Variants in CPED1 observed in about 807,000 individuals in gnomAD.
The protein encoded by CPED1 is cadherin-like and PC-esterase domain-containing protein 1.
In CPED1, 114 loss-of-function variants were observed where a neutral mutation model predicts 128.2. That is an observed-to-expected ratio of 0.89 (90% CI 0.76 to 1.04). The LOEUF is 1.04. Ranked by LOEUF, CPED1 falls within the 50% of genes least tolerant of loss-of-function variation. The probability of loss-of-function intolerance (pLI) is 0.00; values close to 1 mark genes in which losing one functional copy is unlikely to be tolerated. For missense variants in CPED1, 1,211 were observed against 1,207.1 expected, an observed-to-expected ratio of 1.00 and a Z score of -0.05; for synonymous variants, 462 against 426.7, an observed-to-expected ratio of 1.08 and a Z score of -1.02.
chr7:121,083,407 T>G (rs1368579710), intron 5 of CPED1, among the ~76,000 whole-genome samples: 2 of 152,118 alleles, frequency 1.3e-5, no homozygotes, highest in East Asian at 3.9e-4. Flanking sequence ...CCTTCTGGTC[T>G]TCTTGGGAGG....
intron 16 of CPED1, among the ~76,000 whole-genome samples, chr7:121,224,593 T>G (rs1797957476): frequency 6.6e-6 from 1 of 152,240 alleles, no homozygotes; most frequent in South Asian, 2.1e-4. Context: ...TATGGAAATC[T>G]AAGTCTCTTT....
At chr7:121,112,259 G>A (rs1214489250) in intron 7 of CPED1, among the ~76,000 whole-genome samples, 1 of 152,102 alleles carries the variant, frequency 6.6e-6, no homozygotes, top group Non-Finnish European at 1.5e-5. Context: ...TATCTTGTTT[G>A]GACAAAGGGC....
chr7:121,020,897 G>A (rs1029854178), intron 3 of CPED1, among the ~76,000 whole-genome samples: 4 of 151,786 alleles, frequency 2.6e-5, no homozygotes, highest in African/African-American at 4.8e-5. Flanking sequence ...TTATGCAATG[G>A]GTCAAAAGCC....
In CPED1 at chr7:121,037,552, T is replaced by C. The variant is rs373175370; in HGVS notation, c.434-9335T>C. 5.9e-5 allele frequency among the ~76,000 whole-genome samples: 9 copies of C among 152,226 alleles called. No homozygotes were observed. The East Asian group carries it at 1.3e-3, about 23-fold the overall frequency. ...TTTTGGTGACTATGGCCTTATAGTA[T>C]AGTTTGAAGTCAGGTAACGTGATGC... is the stretch of plus-strand genomic sequence containing the variant. On this transcript the variant is annotated intron_variant, in intron 3 of 22. Transcript: ENST00000310396.
At chr7:121,278,365 T>C (rs1246470041) in intron 22 of CPED1, among the ~76,000 whole-genome samples, 1 of 152,042 alleles carries the variant, frequency 6.6e-6, no homozygotes, top group Non-Finnish European at 1.5e-5. Context: ...GGTCTCTCCT[T>C]CTCTATCATT....
At chr7:121,145,135 T>TTG (rs1039746217) in intron 16 of CPED1, among the ~76,000 whole-genome samples, 168 of 149,346 alleles carry the variant, frequency 1.1e-3, no homozygotes, top group African/African-American at 3.9e-3. Flanking sequence ...ACATGTGTAT[T>TTG]TGTGTATATA....
intron 16 of CPED1, among the ~76,000 whole-genome samples, chr7:121,173,829 A>G (rs1040046058): frequency 6.6e-6 from 1 of 152,110 alleles, no homozygotes; most frequent in Non-Finnish European, 1.5e-5. Flanking sequence ...TAATGATTGA[A>G]TTGATATACA....
chr7:121,117,353 G>C (rs2116288606), intron 7 of CPED1, among the ~76,000 whole-genome samples: 1 of 151,492 alleles, frequency 6.6e-6, no homozygotes, highest in Non-Finnish European at 1.5e-5. Context: ...CACCTGCCTC[G>C]GCCTCCCAAA....
chr7:121,147,723 C>G (rs894991208), intron 16 of CPED1, among the ~76,000 whole-genome samples: 1 of 152,056 alleles, frequency 6.6e-6, no homozygotes, highest in Non-Finnish European at 1.5e-5. Flanking sequence ...ATAGGAGAAG[C>G]TTGGAGACTA....
chr7:121,086,681 C>T (rs887934221), intron 5 of CPED1, among the ~76,000 whole-genome samples: 2 of 152,162 alleles, frequency 1.3e-5, no homozygotes, highest in South Asian at 4.1e-4. Flanking sequence ...TGAGTAAATG[C>T]CAACATTCTC....
intron 16 of CPED1, among the ~76,000 whole-genome samples, chr7:121,224,052 G>A (rs1238080834): frequency 6.6e-6 from 1 of 151,926 alleles, no homozygotes; most frequent in Non-Finnish European, 1.5e-5. Flanking sequence ...TGTGACATTA[G>A]GGTGTCAATT....
In CPED1 at chr7:121,265,269, G is replaced by A. The variant is rs1270576511; in HGVS notation, c.2311-958G>A. 3.3e-5 allele frequency among the ~76,000 whole-genome samples: 5 copies of A among 152,026 alleles called. No homozygotes were observed. The East Asian group carries it at 7.7e-4, about 24-fold the overall frequency. ...CACCTTGCATTTGGAGTTAAAGTAC[G>A]TGGGTTTGAATCCTGGGTTCTCCAT... On this transcript the variant is annotated intron_variant, in intron 18 of 22. Coordinates refer to ENST00000310396, the MANE Select transcript of CPED1 (RefSeq NM_024913.5).
chr7:121,285,775 A>G (rs562985643), intron 22 of CPED1, among the ~76,000 whole-genome samples: 4 of 152,162 alleles, frequency 2.6e-5, no homozygotes, highest in Non-Finnish European at 4.4e-5. Flanking sequence ...ACTTTCCCAT[A>G]TCTTTGTCTT....
At chr7:121,225,825 C>T (rs1797994477) in intron 16 of CPED1, among the ~76,000 whole-genome samples, 1 of 152,064 alleles carries the variant, frequency 6.6e-6, no homozygotes, top group South Asian at 2.1e-4. Context: ...TTTTCAGCTC[C>T]ATCAGGTCAT....
intron 14 of CPED1, 96 bp downstream of exon 14, chr7:121,136,186 C>T: frequency 1.7e-6 from 2 of 1,160,534 alleles, no homozygotes; most frequent in Non-Finnish European, 2.4e-6. Context: ...ATGTGGGTAT[C>T]TTACGCTGAT....
intron 12 of CPED1, among the ~76,000 whole-genome samples, chr7:121,130,704 T>A (rs1795646341): frequency 6.6e-6 from 1 of 151,002 alleles, no homozygotes; most frequent in Non-Finnish European, 1.5e-5. Context: ...GAGGTGTGAC[T>A]TTTTTCTGAG....
intron 7 of CPED1, among the ~76,000 whole-genome samples, chr7:121,104,498 A>G (rs1018936879): frequency 1.8e-4 from 27 of 152,178 alleles, no homozygotes; most frequent in African/African-American, 6.3e-4. Context: ...ACTTTTTATG[A>G]TGTCTGAAGA....
chr7:121,217,988 AT>A lies in CPED1; in HGVS notation c.2056-18712del, dbSNP rs35530961. Among the ~76,000 whole-genome samples the A allele has an allele frequency of 8.7e-3, 1,253 of 144,020 alleles. 15 individuals carry two copies. The highest frequency in any genetic ancestry group is 0.028 in the African/African-American group (1,088 of 39,106). 94.5% of individuals were successfully genotyped at this position (144,020 alleles called of 152,430 possible). A position where few individuals can be genotyped will look rare whatever the true frequency, so the allele number is the denominator to read the frequency against. On this transcript the variant is annotated intron_variant, in intron 16 of 22. Transcript: ENST00000310396. ...GCAAAATTAATTGTGGTTTTTGCCAATTTTTTTTTTTTTTGAGACAGAGTCT... is the reference window on the plus strand; with the variant it reads ...GCAAAATTAATTGTGGTTTTTGCCAATTTTTTTTTTTTTGAGACAGAGTCT...
chr7:121,269,653 A>G (rs1168217034), intron 21 of CPED1, among the ~76,000 whole-genome samples: 1 of 151,988 alleles, frequency 6.6e-6, no homozygotes, highest in Non-Finnish European at 1.5e-5. Flanking sequence ...CCTCACAAAC[A>G]TCTGTTAATT....
Sources: gnomAD v4.1 joint callset for allele counts (sites outside exome capture counted in the v4.1 genomes callset) on GRCh38, gnomAD v4.1.1 for gene constraint, MANE v1.5 for transcripts, NCBI Gene and HGNC (gene_info 2026-07-23, HGNC 2026-07-21) for gene names.